Variants in ANKRD10 observed in about 807,000 individuals in gnomAD.
ANKRD10 encodes ankyrin repeat domain 10, also known as ankyrin repeat domain-containing protein 10.
A neutral mutation model predicts 27.0 loss-of-function variants in ANKRD10; 14 were observed. The ratio of observed to expected loss-of-function variants is 0.52; its 90% CI spans 0.34 to 0.81. The LOEUF (loss-of-function observed/expected upper bound fraction) is 0.81, where lower values mean the gene tolerates loss of function less well. Among genes scored for constraint, ANKRD10 ranks in the 40% least tolerant of loss-of-function variants. ANKRD10 has a pLI of 0.01. For synonymous variants in ANKRD10, 250 were observed against 224.5 expected, an observed-to-expected ratio of 1.11 and a Z score of -1.01; for missense variants, 493 against 544.0, an observed-to-expected ratio of 0.91 and a Z score of 0.93.
intron 2 of ANKRD10, among the ~76,000 whole-genome samples, chr13:110,909,998 G>A (rs1472560000): frequency 6.6e-6 from 1 of 152,174 alleles, no homozygotes; most frequent in Non-Finnish European, 1.5e-5. Flanking sequence ...ACAACCTAAT[G>A]GTTATTAGAT....
chr13:110,913,679 G>A (rs2065788601), intron 1 of ANKRD10, among the ~76,000 whole-genome samples: 1 of 152,248 alleles, frequency 6.6e-6, no homozygotes, highest in South Asian at 2.1e-4. Flanking sequence ...CCAGGGCCAG[G>A]CCTTCTTAAA....
rs1182779002 is a variant in ANKRD10 at position 110,893,407 on chromosome 13, A to G, written c.456-144T>C. On this transcript the variant is annotated intron_variant, in intron 3 of 5. Coordinates refer to ENST00000267339, the MANE Select transcript of ANKRD10 (RefSeq NM_017664.4). ...TCTTCATTAAAGAAGTAGTTAATCAATCTAGCTCTGTAACTAACTTCTCTT... is the reference window on the plus strand; with the variant it reads ...TCTTCATTAAAGAAGTAGTTAATCAGTCTAGCTCTGTAACTAACTTCTCTT... The G allele has an allele frequency of 1.2e-5, 9 of 734,990 alleles. No homozygotes were observed. In the East Asian group the frequency reaches 2.2e-4, roughly 18 times the overall value. The allele number at this position is 734,990 out of a possible 1,614,324, so 45.5% of individuals were successfully genotyped here.
chr13:110,892,416 CAAAAA>C lies in ANKRD10; in HGVS notation c.691+607_691+611del, dbSNP rs71127979. Among the ~76,000 whole-genome samples, 34 of 19,552 alleles carry C rather than the reference CAAAAA, an allele frequency of 1.7e-3. 4 individuals carry two copies. The highest frequency in any genetic ancestry group is 6.5e-3 in the African/African-American group (22 of 3,392). 12.8% of individuals were successfully genotyped at this position (19,552 alleles called of 152,430 possible). ...TTGCACTCCAGCCTGGGTGACAGAG[CAAAAA>C]AAAAAAAAAAAAAAATGGTGGGAGA... On this transcript the variant is annotated intron_variant, in intron 4 of 5. Coordinates refer to ENST00000267339, the MANE Select transcript of ANKRD10 (RefSeq NM_017664.4).
intron 1 of ANKRD10, among the ~76,000 whole-genome samples, chr13:110,912,751 G>GT (rs1235151142): frequency 6.6e-6 from 1 of 152,268 alleles, no homozygotes; most frequent in Non-Finnish European, 1.5e-5. Flanking sequence ...TGAAACCTGT[G>GT]TAAGAGGGCA....
intron 3 of ANKRD10, among the ~76,000 whole-genome samples, chr13:110,902,727 ACT>A (rs1427752375): frequency 1.3e-5 from 2 of 152,180 alleles, no homozygotes; most frequent in African/African-American, 4.8e-5. Flanking sequence ...AAGTTCTGAG[ACT>A]CTGCCATTAA....
chr13:110,912,136 A>G (rs1443115892), intron 1 of ANKRD10, among the ~76,000 whole-genome samples: 1 of 152,208 alleles, frequency 6.6e-6, no homozygotes, highest in Non-Finnish European at 1.5e-5. Context: ...CAACTGTTCA[A>G]CCCACGTTCT....
intron 2 of ANKRD10, among the ~76,000 whole-genome samples, chr13:110,908,119 G>C (rs1041562273): frequency 6.6e-6 from 1 of 152,188 alleles, no homozygotes; most frequent in Non-Finnish European, 1.5e-5. Flanking sequence ...GCTCAGCCCA[G>C]TCACATCGCA....
chr13:110,883,881 C>T (rs1317522925), intron 4 of ANKRD10, 88 bp from the exon 5 acceptor site: 6 of 1,261,706 alleles, frequency 4.8e-6, no homozygotes, highest in East Asian at 2.9e-5. Context: ...TTTGTGTGAG[C>T]ACTGAACACT....
At position 110,914,799 on chromosome 13, in the gene ANKRD10, G is replaced by C. The variant is rs2065841102; in HGVS notation, c.136C>G (p.Pro46Ala). 1 of 1,595,064 alleles carries C rather than the reference G, an allele frequency of 6.3e-7. No individual in the cohort carries two copies. Among genetic ancestry groups the C allele is most frequent in the Non-Finnish European group, 8.5e-7 (1 of 1,171,556 alleles). The change falls in exon 1 of 6, where the codon CCC becomes GCC. Residue 46 changes from proline to alanine, a missense_variant. Physicochemically the swap from Pro to Ala is conservative, Grantham distance 27 (BLOSUM62 -1). Transcript: ENST00000267339. ...TCCTCAGAGGCCAGGTGGGCGTGGG[G>C]TGTCTGCTGCAGCAGCGAGCAGAGC... ...ATLCSLLQQTPHAHLASEDSF... is the reference protein window; with the variant it reads ...ATLCSLLQQTAHAHLASEDSF...
At chr13:110,904,797 A>C (rs953539692) in intron 3 of ANKRD10, among the ~76,000 whole-genome samples, 6 of 152,244 alleles carry the variant, frequency 3.9e-5, no homozygotes, top group Non-Finnish European at 5.9e-5. Context: ...TGTAACAGTA[A>C]ACAGAGGCCA....
At chr13:110,895,586 C>CTAAA (rs912845413) in intron 3 of ANKRD10, among the ~76,000 whole-genome samples, 22 of 152,182 alleles carry the variant, frequency 1.4e-4, no homozygotes, top group African/African-American at 3.9e-4. Context: ...GATTCTATCT[C>CTAAA]TAAATAAATA....
rs1366164249 is a variant in ANKRD10, at chr13:110,880,168, CTA to C, written c.788-58_788-57del. ...TTCAGAACCAATGAGGGAGGAGAAACTATAAAATGCTTCACTGCCATTACAAT... is the reference window on the plus strand; with the variant it reads ...TTCAGAACCAATGAGGGAGGAGAAACTAAAATGCTTCACTGCCATTACAAT... On this transcript the variant is annotated intron_variant, in intron 5 of 5. Transcript: ENST00000267339. The C allele has an allele frequency of 1.4e-5, 20 of 1,395,940 alleles. No individual in the cohort carries two copies. In the African/African-American group the frequency reaches 2.6e-4, roughly 18 times the overall value. The allele number at this position is 1,395,940 out of a possible 1,614,324, so 86.5% of individuals were successfully genotyped here.
At chr13:110,890,659 G>C (rs1423110765) in intron 4 of ANKRD10, among the ~76,000 whole-genome samples, 1 of 152,202 alleles carries the variant, frequency 6.6e-6, no homozygotes, top group East Asian at 1.9e-4. Flanking sequence ...GTCATGTACT[G>C]TGTACCTGCA....
chr13:110,903,316 T>TA (rs546540714), intron 3 of ANKRD10, among the ~76,000 whole-genome samples: 73 of 151,574 alleles, frequency 4.8e-4, no homozygotes, highest in African/African-American at 1.7e-3. Flanking sequence ...GGTCACAAGT[T>TA]AGATTTAATC....
chr13:110,884,784 G>A (rs576226664), intron 4 of ANKRD10, among the ~76,000 whole-genome samples: 1 of 152,060 alleles, frequency 6.6e-6, no homozygotes, highest in Admixed American at 6.5e-5. Context: ...TTATTTCTGG[G>A]CCAAAGAATA....
At chr13:110,891,488 T>C (rs2065071889) in intron 4 of ANKRD10, among the ~76,000 whole-genome samples, 2 of 152,240 alleles carry the variant, frequency 1.3e-5, no homozygotes, top group Admixed American at 1.3e-4. Flanking sequence ...GTTAAGTTCA[T>C]ACATTACTAT....
intron 3 of ANKRD10, chr13:110,894,180 G>A (rs766549712): frequency 3.7e-6 from 6 of 1,611,902 alleles, no homozygotes; most frequent in African/African-American, 1.3e-5. Flanking sequence ...AGACAAGAAT[G>A]TACACTGCTC....
At chr13:110,888,864 G>A (rs1438962879) in intron 4 of ANKRD10, among the ~76,000 whole-genome samples, 6 of 152,180 alleles carry the variant, frequency 3.9e-5, no homozygotes, top group Non-Finnish European at 8.8e-5. Context: ...ATATGCCTAT[G>A]TGATTAAGAC....
chr13:110,913,012 T>C (rs1031671588), intron 1 of ANKRD10, among the ~76,000 whole-genome samples: 3 of 152,270 alleles, frequency 2.0e-5, no homozygotes, highest in African/African-American at 4.8e-5. Context: ...CCCATGGAAG[T>C]AGACTTTTGA....
Sources: allele counts gnomAD v4.1 joint callset (sites outside exome capture counted in the v4.1 genomes callset), GRCh38; gene constraint gnomAD v4.1.1; transcripts MANE v1.5; gene names NCBI Gene and HGNC (gene_info 2026-07-23, HGNC 2026-07-21).